The following LARP1B variants were observed in gnomAD, a reference collection of about 807,000 sequenced individuals.
LARP1B encodes the protein La ribonucleoprotein 1B.
In LARP1B, 76 loss-of-function variants were observed where a neutral mutation model predicts 114.2. That is an observed-to-expected ratio of 0.67 (90% CI 0.55 to 0.81). The LOEUF is 0.81. Among genes scored for constraint, LARP1B ranks in the 30% least tolerant of loss-of-function variants. The pLI, the probability that LARP1B is intolerant of heterozygous loss-of-function variation, is 0.00. For synonymous variants in LARP1B, 345 were observed against 348.0 expected, an observed-to-expected ratio of 0.99 and a Z score of 0.10; for missense variants, 1,014 against 1,075.8, an observed-to-expected ratio of 0.94 and a Z score of 0.80.
chr4:128,134,830 C>T (rs768743920), intron 11 of LARP1B, among the ~76,000 whole-genome samples: 7 of 152,214 alleles, frequency 4.6e-5, no homozygotes, highest in South Asian at 2.1e-4. Flanking sequence ...TAAGGCTGGG[C>T]GCAATGGCTC....
intron 15 of LARP1B, among the ~76,000 whole-genome samples, chr4:128,195,303 A>G (rs1168069057): frequency 6.6e-6 from 1 of 152,166 alleles, no homozygotes; most frequent in African/African-American, 2.4e-5. Flanking sequence ...TATTAATTTT[A>G]TCTTCGTTCT....
At chr4:128,129,783 C>A (rs1379496878) in intron 11 of LARP1B, among the ~76,000 whole-genome samples, 1 of 151,744 alleles carries the variant, frequency 6.6e-6, no homozygotes, top group African/African-American at 2.4e-5. Flanking sequence ...AGAGAAAAGT[C>A]TTTTCCACAA....
Position 128,129,051 on chromosome 4 carries a change from G to C in LARP1B, c.1524+6863G>C, listed in dbSNP as rs1450944504. On this transcript the variant is annotated intron_variant, in intron 11 of 19. Coordinates refer to ENST00000326639, the MANE Select transcript of LARP1B (RefSeq NM_018078.4). ...GTGATGGTGGGCGCCTGTAGTCCCA[G>C]CTACTCAGGAGGTTGAGGCAGGAGA... Among the ~76,000 whole-genome samples the C allele has an allele frequency of 2.0e-5, 3 of 151,512 alleles. 1 individual carries two copies. Among genetic ancestry groups the C allele is most frequent in the Non-Finnish European group, 4.4e-5 (3 of 67,914 alleles).
intron 10 of LARP1B, among the ~76,000 whole-genome samples, chr4:128,117,755 G>A (rs1338669751): frequency 5.3e-5 from 8 of 151,972 alleles, no homozygotes; most frequent in Admixed American, 3.3e-4. Flanking sequence ...CCTGACCTCA[G>A]GTGAACCGCT....
intron 7 of LARP1B, among the ~76,000 whole-genome samples, chr4:128,093,328 G>A (rs1776533884): frequency 6.6e-6 from 1 of 152,160 alleles, no homozygotes; most frequent in Admixed American, 6.5e-5. Flanking sequence ...CAGGTGCGGT[G>A]GCTCACGCCT....
At chr4:128,109,123 T>C (rs1783101008) in intron 9 of LARP1B, among the ~76,000 whole-genome samples, 1 of 152,164 alleles carries the variant, frequency 6.6e-6, no homozygotes, top group South Asian at 2.1e-4. Flanking sequence ...ATCACCTCTT[T>C]CCATGAATTC....
chr4:128,172,101 T>G (rs1165736654), intron 12 of LARP1B, among the ~76,000 whole-genome samples: 1 of 152,176 alleles, frequency 6.6e-6, no homozygotes, highest in Admixed American at 6.5e-5. Context: ...ATTTCTTCTC[T>G]CCTAGACCTT....
intron 11 of LARP1B, among the ~76,000 whole-genome samples, chr4:128,155,054 G>A (rs1041244130): frequency 6.6e-6 from 1 of 152,174 alleles, no homozygotes; most frequent in Non-Finnish European, 1.5e-5. Context: ...GATTACTGGT[G>A]TGAGCCACTG....
At chr4:128,146,867 G>C (rs919590745) in intron 11 of LARP1B, among the ~76,000 whole-genome samples, 2 of 152,158 alleles carry the variant, frequency 1.3e-5, no homozygotes, top group African/African-American at 4.8e-5. Context: ...GAGAAGCCTA[G>C]AACTTAAAAC....
chr4:128,137,484 C>G (rs976295359), intron 11 of LARP1B, among the ~76,000 whole-genome samples: 2 of 152,032 alleles, frequency 1.3e-5, no homozygotes, highest in Admixed American at 1.3e-4. Context: ...CTTATATGTG[C>G]TTTATGTGCA....
At chr4:128,111,109 C>G in intron 9 of LARP1B, among the ~76,000 whole-genome samples, 1 of 151,004 alleles carries the variant, frequency 6.6e-6, no homozygotes, top group Middle Eastern at 3.4e-3. Context: ...TGCAATGGCA[C>G]GATCTCTGCT....
At chr4:128,083,633 A>T (rs1377962167) in intron 5 of LARP1B, among the ~76,000 whole-genome samples, 1 of 80,014 alleles carries the variant, frequency 1.2e-5, no homozygotes, top group African/African-American at 4.8e-5. Flanking sequence ...TGACCCCCCC[A>T]CCTCCCTCCC....
In LARP1B at chr4:128,097,431, C is replaced by T. The variant is rs189052926; in HGVS notation, c.669-755C>T. ...CAAGGGATTCTCCTGCCTCAGCCTC[C>T]TGAGTAGCTGGGATTACAGGCATGC... On this transcript the variant is annotated intron_variant, in intron 7 of 19. Transcript: ENST00000326639. Among the ~76,000 whole-genome samples, 79 of 152,196 alleles carry T rather than the reference C, an allele frequency of 5.2e-4. No homozygotes were observed. In the East Asian group the frequency reaches 0.014, roughly 26 times the overall value.
At chr4:128,107,586 T>C (rs1692495747) in intron 9 of LARP1B, 3 of 1,376,820 alleles carry the variant, frequency 2.2e-6, no homozygotes, top group Non-Finnish European at 2.8e-6. Context: ...CTTTTATTTT[T>C]ACTAAATAAC....
At chr4:128,094,382 TTTTTTCTTTTTC>T (rs1476118231) in intron 7 of LARP1B, among the ~76,000 whole-genome samples, 1 of 151,040 alleles carries the variant, frequency 6.6e-6, no homozygotes, top group African/African-American at 2.4e-5. Flanking sequence ...GGTTTTTTCC[TTTTTTCTTTTTC>T]TTTTTCTTTT....
chr4:128,216,465 A>T (rs1309260364), downstream of LARP1B, among the ~76,000 whole-genome samples: 1 of 129,172 alleles, frequency 7.7e-6, no homozygotes, highest in African/African-American at 2.9e-5. Context: ...CAGTGCAATC[A>T]AACTAGAACT....
At chr4:128,065,094 T>C (rs1761870221) in intron 1 of LARP1B, among the ~76,000 whole-genome samples, 1 of 152,104 alleles carries the variant, frequency 6.6e-6, no homozygotes, top group Non-Finnish European at 1.5e-5. Context: ...GTATGGTTCA[T>C]GGAAATTTCA....
intron 9 of LARP1B, among the ~76,000 whole-genome samples, chr4:128,114,220 A>C (rs913637158): frequency 1.9e-4 from 29 of 152,188 alleles, no homozygotes; most frequent in Non-Finnish European, 3.8e-4. Context: ...GAGATGCCAT[A>C]ATTTCCTTAT....
intron 1 of LARP1B, among the ~76,000 whole-genome samples, chr4:128,066,199 CAG>C (rs1483347935): frequency 8.9e-6 from 1 of 112,422 alleles, no homozygotes; most frequent in Non-Finnish European, 1.7e-5. Flanking sequence ...TATATTGAGA[CAG>C]AGTCTCGCTC....
Sources: gnomAD v4.1 joint callset for allele counts (sites outside exome capture counted in the v4.1 genomes callset) on GRCh38, gnomAD v4.1.1 for gene constraint, MANE v1.5 for transcripts, NCBI Gene and HGNC (gene_info 2026-07-23, HGNC 2026-07-21) for gene names.